Variants in NRIP1 observed in about 807,000 individuals in gnomAD.
The protein encoded by NRIP1 is nuclear receptor interacting protein 1, also known as nuclear receptor-interacting protein 1.
NRIP1 carries 28 observed loss-of-function variants against 75.0 expected under a neutral mutation model. The ratio of observed to expected loss-of-function variants is 0.37; its 90% confidence interval spans 0.28 to 0.51. The LOEUF is 0.51. Ranked by LOEUF, NRIP1 falls within the 20% of genes least tolerant of loss-of-function variation. The pLI, the probability that NRIP1 is intolerant of heterozygous loss-of-function variation, is 0.92. For missense variants in NRIP1, 1,435 were observed against 1,343.7 expected (o/e 1.07, Z -1.06); for synonymous variants, 526 against 487.6 (o/e 1.08, Z -1.04).
intron 3 of NRIP1, among the ~76,000 whole-genome samples, chr21:14,985,290 AT>A (rs1213553429): frequency 6.6e-6 from 1 of 152,250 alleles, no homozygotes; most frequent in African/African-American, 2.4e-5. Context: ...GAGAATTAAA[AT>A]GATATGACAA....
In NRIP1 at chr21:15,014,931, C is replaced by G. The variant is rs1315543183; in HGVS notation, c.-457-465G>C. ...CAGCAAAAAAATTGGTAATAAATATCAAATGCCCTATATATCCATGAAAAG... is the reference window on the plus strand; with the variant it reads ...CAGCAAAAAAATTGGTAATAAATATGAAATGCCCTATATATCCATGAAAAG... On this transcript the variant is annotated intron_variant, in intron 2 of 3. Coordinates refer to ENST00000318948, the MANE Select transcript of NRIP1 (RefSeq NM_003489.4). Among the ~76,000 whole-genome samples, 18 of 151,322 alleles carry G rather than the reference C, an allele frequency of 1.2e-4. 1 individual carries two copies. Among genetic ancestry groups the G allele is most frequent in the Admixed American group, 1.2e-3 (18 of 15,194 alleles).
At chr21:15,039,900 A>G (rs1326048859) in intron 2 of NRIP1, among the ~76,000 whole-genome samples, 1 of 152,126 alleles carries the variant, frequency 6.6e-6, no homozygotes, top group African/African-American at 2.4e-5. Flanking sequence ...GTTCAACCAA[A>G]GAAAATGCTA....
chr21:15,038,082 T>C (rs1443649920), intron 2 of NRIP1, among the ~76,000 whole-genome samples: 1 of 152,134 alleles, frequency 6.6e-6, no homozygotes, highest in African/African-American at 2.4e-5. Flanking sequence ...TGCAATCAAA[T>C]GTTAAATATG....
rs1309483629 is a variant in NRIP1, at chr21:14,968,220, G to A, written c.-28C>T. On this transcript the variant is annotated 5_prime_UTR_variant, in exon 4 of 4. Transcript: ENST00000318948. ...TCAATAGAAGTGTTCACAAGGGCTT[G>A]GTTTCTATTCACTTTAAAGAATGGT... 4.0e-6 allele frequency: 6 copies of A among 1,505,916 alleles called. No homozygotes were observed. The highest frequency in any genetic ancestry group is 5.4e-6 in the Non-Finnish European group (6 of 1,104,590). The allele number at this position is 1,505,916 out of a possible 1,614,324, so 93.3% of individuals were successfully genotyped here.
chr21:14,974,465 G>A (rs1029934412), intron 3 of NRIP1: 1 of 152,112 alleles, frequency 6.6e-6, no homozygotes, highest in African/African-American at 2.4e-5. Flanking sequence ...TTCATTTTTA[G>A]ACTAACAGCA....
chr21:15,052,723 A>C (rs1206720016), intron 1 of NRIP1, among the ~76,000 whole-genome samples: 1 of 152,206 alleles, frequency 6.6e-6, no homozygotes, highest in Non-Finnish European at 1.5e-5. Context: ...CCAGAATTCC[A>C]AAAAACACAA....
At chr21:15,033,631 C>G (rs529639813) in intron 2 of NRIP1, among the ~76,000 whole-genome samples, 1 of 152,332 alleles carries the variant, frequency 6.6e-6, no homozygotes, top group South Asian at 2.1e-4. Flanking sequence ...TGTCAGTTAT[C>G]ATTATTAACT....
At chr21:14,993,551 TG>T (rs757023443) in intron 3 of NRIP1, among the ~76,000 whole-genome samples, 1 of 152,130 alleles carries the variant, frequency 6.6e-6, no homozygotes, top group Non-Finnish European at 1.5e-5. Context: ...ATGTATTTAA[TG>T]GAGCAGTTAT....
intron 3 of NRIP1, among the ~76,000 whole-genome samples, chr21:14,993,316 A>AC (rs1418963608): frequency 6.6e-6 from 1 of 152,094 alleles, no homozygotes; most frequent in Non-Finnish European, 1.5e-5. Context: ...TACTCAGAGG[A>AC]CTAGATACCA....
intron 2 of NRIP1, among the ~76,000 whole-genome samples, chr21:15,034,248 C>G (rs2088779216): frequency 6.6e-6 from 1 of 152,120 alleles, no homozygotes; most frequent in South Asian, 2.1e-4. Context: ...GGCACTGAGC[C>G]TTTTATTTTC....
chr21:15,007,368 T>C (rs564591624), intron 3 of NRIP1, among the ~76,000 whole-genome samples: 13 of 152,346 alleles, frequency 8.5e-5, no homozygotes, highest in African/African-American at 2.4e-4. Flanking sequence ...AAAAACCAAT[T>C]TGTTTAACAT....
chr21:15,054,480 A>G (rs1421904032), intron 1 of NRIP1, among the ~76,000 whole-genome samples: 1 of 152,214 alleles, frequency 6.6e-6, no homozygotes, highest in African/African-American at 2.4e-5. Flanking sequence ...TCAAGTACCA[A>G]TTAATTATAA....
intron 3 of NRIP1, among the ~76,000 whole-genome samples, chr21:14,995,167 G>A (rs2087687904): frequency 6.6e-6 from 1 of 152,114 alleles, no homozygotes. Context: ...CTAAATAAAA[G>A]GAGTAACTAG....
At chr21:15,040,974 A>C (rs374594814) in intron 2 of NRIP1, among the ~76,000 whole-genome samples, 11 of 152,194 alleles carry the variant, frequency 7.2e-5, no homozygotes, top group African/African-American at 2.4e-4. Context: ...TGCACATCCC[A>C]CCACCCAGCA....
rs996339174 is a variant in NRIP1 at position 14,963,022 on chromosome 21, C to A, written c.*1694G>T. 6.6e-6 allele frequency: 1 copy of A among 152,268 alleles called. No individual in the cohort carries two copies. Among genetic ancestry groups the A allele is most frequent in the Non-Finnish European group, 1.5e-5 (1 of 67,932 alleles). 9.4% of individuals were successfully genotyped at this position (152,268 alleles called of 1,614,324 possible). A position where few individuals can be genotyped will look rare whatever the true frequency, so the allele number is the denominator to read the frequency against. ...ACTGAACATAAAAACAGACCTGTTT[C>A]GCAACTGAAACCCCATGTGGCTTCA... On this transcript the variant is annotated 3_prime_UTR_variant, in exon 4 of 4. Transcript: ENST00000318948.
chr21:15,051,309 T>A (rs1568733028), intron 1 of NRIP1: 2 of 159,556 alleles, frequency 1.3e-5, no homozygotes, highest in Non-Finnish European at 1.4e-5. Context: ...ATTTTCATTT[T>A]ATTTTCCCTT....
intron 1 of NRIP1, among the ~76,000 whole-genome samples, chr21:15,056,063 C>T (rs2089298996): frequency 6.6e-6 from 1 of 151,968 alleles, no homozygotes; most frequent in South Asian, 2.1e-4. Flanking sequence ...AGCATTTTAT[C>T]ATTATTTTAT....
At chr21:15,001,640 T>A (rs1392062394) in intron 3 of NRIP1, among the ~76,000 whole-genome samples, 2 of 152,164 alleles carry the variant, frequency 1.3e-5, no homozygotes, top group Non-Finnish European at 1.5e-5. Flanking sequence ...CAAATCAAGC[T>A]AGCAGAAGAA....
chr21:15,045,645 A>G (rs1025927493), intron 1 of NRIP1, among the ~76,000 whole-genome samples: 2 of 152,230 alleles, frequency 1.3e-5, no homozygotes, highest in Non-Finnish European at 2.9e-5. Context: ...AGTTTGCCAC[A>G]TCGGCTGATT....
Sources: gnomAD v4.1 joint callset for allele counts (sites outside exome capture counted in the v4.1 genomes callset) on GRCh38, gnomAD v4.1.1 for gene constraint, MANE v1.5 for transcripts, NCBI Gene and HGNC (gene_info 2026-07-23, HGNC 2026-07-21) for gene names.